The following ARHGAP24 variants were observed in gnomAD, a reference collection of about 807,000 sequenced individuals.
ARHGAP24 encodes the protein Rho GTPase activating protein 24, also known as rho GTPase-activating protein 24.
ARHGAP24 carries 50 observed loss-of-function variants against 76.4 expected under a neutral mutation model. The ratio of observed to expected loss-of-function variants is 0.65; its 90% CI spans 0.52 to 0.83. ARHGAP24 has a LOEUF of 0.83. Ranked by LOEUF, ARHGAP24 falls within the 40% of genes least tolerant of loss-of-function variation. ARHGAP24 has a pLI of 0.00. For missense variants in ARHGAP24, 930 were observed against 914.2 expected, an observed-to-expected ratio of 1.02 and a Z score of -0.22; for synonymous variants, 345 against 323.3, an observed-to-expected ratio of 1.07 and a Z score of -0.72.
At chr4:85,747,816 T>A (rs1467103087) in intron 3 of ARHGAP24, among the ~76,000 whole-genome samples, 1 of 152,232 alleles carries the variant, frequency 6.6e-6, no homozygotes, top group Non-Finnish European at 1.5e-5. Flanking sequence ...TATTTTAAAA[T>A]CATTAAGGAC....
At chr4:85,812,626 T>A (rs1729063192) in intron 3 of ARHGAP24, among the ~76,000 whole-genome samples, 1 of 152,208 alleles carries the variant, frequency 6.6e-6, no homozygotes, top group Non-Finnish European at 1.5e-5. Context: ...ATGAGACTCA[T>A]AGCTCCAATT....
intron 3 of ARHGAP24, among the ~76,000 whole-genome samples, chr4:85,918,668 A>G (rs1027149469): frequency 1.7e-4 from 26 of 152,158 alleles, no homozygotes; most frequent in Non-Finnish European, 3.1e-4. Flanking sequence ...AAAGTTGATC[A>G]TGTCAAGCAT....
At position 85,755,626 on chromosome 4, in the gene ARHGAP24, G is replaced by GTTTTTTTTTTTTTTTTTTTTTTTTTTTT. The variant is rs111410344; in HGVS notation, c.268+33658_268+33659insTTTTTTTTTTTTTTTTTTTTTTTTTTTT. On this transcript the variant is annotated intron_variant, in intron 3 of 9. Coordinates refer to ENST00000395184, the MANE Select transcript of ARHGAP24 (RefSeq NM_001025616.3). Reference sequence around the variant, plus strand: ...TTCTATGGGAAGCTTCTATTCTTTTGTTTTGTTTTGTTTTGTTTTGTTTTG... The same window carrying GTTTTTTTTTTTTTTTTTTTTTTTTTTTT: ...TTCTATGGGAAGCTTCTATTCTTTTGTTTTTTTTTTTTTTTTTTTTTTTTTTTTTTTTGTTTTGTTTTGTTTTGTTTTG... Among the ~76,000 whole-genome samples, 12 of 117,372 alleles carry GTTTTTTTTTTTTTTTTTTTTTTTTTTTT rather than the reference G, an allele frequency of 1.0e-4. 5 individuals are homozygous for GTTTTTTTTTTTTTTTTTTTTTTTTTTTT. The highest frequency in any genetic ancestry group is 1.7e-4 in the African/African-American group (6 of 34,442). The allele number at this position is 117,372 out of a possible 152,430, so 77.0% of individuals were successfully genotyped here.
At chr4:85,836,361 G>A (rs373452487) in intron 3 of ARHGAP24, among the ~76,000 whole-genome samples, 2 of 152,304 alleles carry the variant, frequency 1.3e-5, no homozygotes, top group African/African-American at 4.8e-5. Flanking sequence ...AGCCATAAAT[G>A]TAAAATCAAG....
chr4:85,579,895 AAAT>A (rs1403569658), intron 2 of ARHGAP24, among the ~76,000 whole-genome samples: 2 of 152,158 alleles, frequency 1.3e-5, no homozygotes, highest in Non-Finnish European at 2.9e-5. Flanking sequence ...TGGTTATTAT[AAAT>A]AATGCTGCTC....
At chr4:85,590,139 G>C (rs921884819) in intron 2 of ARHGAP24, among the ~76,000 whole-genome samples, 3 of 151,972 alleles carry the variant, frequency 2.0e-5, no homozygotes, top group South Asian at 4.2e-4. Context: ...AATTTGTTTG[G>C]AATGAGAAAA....
intron 2 of ARHGAP24, among the ~76,000 whole-genome samples, chr4:85,605,184 CA>C (rs1447172892): frequency 6.6e-6 from 1 of 152,076 alleles, no homozygotes; most frequent in Non-Finnish European, 1.5e-5. Flanking sequence ...CTGTAATGAA[CA>C]CATTATTTTT....
At chr4:85,756,581 C>T (rs1477762413) in intron 3 of ARHGAP24, among the ~76,000 whole-genome samples, 1 of 152,132 alleles carries the variant, frequency 6.6e-6, no homozygotes, top group Non-Finnish European at 1.5e-5. Flanking sequence ...GCAAGTTCAT[C>T]TCTGTATCTT....
At chr4:85,669,672 T>TGTG (rs1374731241) in intron 2 of ARHGAP24, among the ~76,000 whole-genome samples, 1 of 66,920 alleles carries the variant, frequency 1.5e-5, no homozygotes, top group Non-Finnish European at 3.2e-5. Context: ...TATATATATA[T>TGTG]ATATATATAT....
chr4:85,639,127 AT>A (rs1560564621), intron 2 of ARHGAP24, among the ~76,000 whole-genome samples: 2 of 152,120 alleles, frequency 1.3e-5, no homozygotes, highest in Non-Finnish European at 2.9e-5. Context: ...TTGTCCTAAG[AT>A]TGCCCAAAAG....
chr4:85,975,793 T>G (rs1361871533), intron 7 of ARHGAP24: 1 of 152,212 alleles, frequency 6.6e-6, no homozygotes, highest in African/African-American at 2.4e-5. Flanking sequence ...TGTGTGTGTT[T>G]GGTGTTATGA....
intron 2 of ARHGAP24, among the ~76,000 whole-genome samples, chr4:85,622,342 C>T (rs371597612): frequency 2.8e-5 from 4 of 143,284 alleles, no homozygotes; most frequent in South Asian, 4.5e-4. Context: ...TGAGAACATG[C>T]GGTGTTTGGT....
intron 2 of ARHGAP24, among the ~76,000 whole-genome samples, chr4:85,611,832 T>C (rs1475651460): frequency 1.3e-5 from 2 of 152,188 alleles, no homozygotes; most frequent in African/African-American, 4.8e-5. Flanking sequence ...CATCTTGTTT[T>C]CAAACTCTAA....
chr4:85,778,414 A>C (rs1168208979), intron 3 of ARHGAP24, among the ~76,000 whole-genome samples: 1 of 152,202 alleles, frequency 6.6e-6, no homozygotes, highest in East Asian at 1.9e-4. Context: ...ATGTTAGTGT[A>C]GTGGAAAAAG....
chr4:85,762,839 A>C (rs1237430772), intron 3 of ARHGAP24, among the ~76,000 whole-genome samples: 1 of 152,198 alleles, frequency 6.6e-6, no homozygotes, highest in African/African-American at 2.4e-5. Context: ...TAACTAGCGT[A>C]ACTGTGAAGA....
In ARHGAP24 at chr4:85,675,200, T is replaced by A. The variant is rs144708998; in HGVS notation, c.181-46685T>A. On this transcript the variant is annotated intron_variant, in intron 2 of 9. Transcript: ENST00000395184. ...GCCAATTATGTAAGTGAGAAGCCAG[T>A]TGAAAAAAACCATGACGCATGTGTC... is the stretch of plus-strand genomic sequence containing the variant. 1.8e-3 allele frequency among the ~76,000 whole-genome samples: 281 copies of A among 152,298 alleles called. 1 individual carries two copies. The highest frequency in any genetic ancestry group is 6.2e-3 in the African/African-American group (258 of 41,564).
chr4:85,996,634 GA>G (rs1740678042), intron 9 of ARHGAP24, among the ~76,000 whole-genome samples: 1 of 152,182 alleles, frequency 6.6e-6, no homozygotes, highest in Non-Finnish European at 1.5e-5. Context: ...AAATGAGATT[GA>G]AAAATTACTT....
intron 2 of ARHGAP24, among the ~76,000 whole-genome samples, chr4:85,678,614 G>A (rs527975764): frequency 1.9e-4 from 29 of 152,258 alleles, no homozygotes; most frequent in South Asian, 1.0e-3. Context: ...TGTAATTCTA[G>A]GCAGTCAGGT....
chr4:85,586,875 G>A (rs976674301), intron 2 of ARHGAP24, among the ~76,000 whole-genome samples: 4 of 152,042 alleles, frequency 2.6e-5, no homozygotes, highest in African/African-American at 7.2e-5. Context: ...TCCAGCCTGG[G>A]CAACAGAGCA....
Sources: gnomAD v4.1 joint callset for allele counts (sites outside exome capture counted in the v4.1 genomes callset) on GRCh38, gnomAD v4.1.1 for gene constraint, MANE v1.5 for transcripts, NCBI Gene and HGNC (gene_info 2026-07-23, HGNC 2026-07-21) for gene names.